NRG3: variants seen among roughly 807,000 people sequenced by gnomAD.
NRG3 encodes pro-neuregulin-3, membrane-bound isoform.
Under a neutral mutation model 66.9 loss-of-function variants are expected in NRG3, and 31 were observed. The ratio of observed to expected loss-of-function variants is 0.46; its 90% CI spans 0.35 to 0.63. The LOEUF is 0.63. Ranked by LOEUF, NRG3 falls within the 20% of genes least tolerant of loss-of-function variation. NRG3 has a pLI of 0.00. For synonymous variants in NRG3, 393 were observed against 359.4 expected, an observed-to-expected ratio of 1.09 and a Z score of -1.06; for missense variants, 910 against 878.9, an observed-to-expected ratio of 1.04 and a Z score of -0.45.
At chr10:82,513,989 T>C (rs1032725196) in intron 2 of NRG3, among the ~76,000 whole-genome samples, 4 of 152,142 alleles carry the variant, frequency 2.6e-5, no homozygotes, top group Non-Finnish European at 5.9e-5. Context: ...CTGTCTTCTT[T>C]TGAGAAGTGT....
chr10:82,115,057 A>G (rs1441853886), intron 1 of NRG3, among the ~76,000 whole-genome samples: 2 of 152,132 alleles, frequency 1.3e-5, no homozygotes, highest in African/African-American at 4.8e-5. Context: ...TTAATAGCAA[A>G]AATGAGTCAA....
At chr10:82,575,067 A>C (rs1035721008) in intron 2 of NRG3, among the ~76,000 whole-genome samples, 22 of 151,764 alleles carry the variant, frequency 1.4e-4, no homozygotes, top group Non-Finnish European at 3.1e-4. Context: ...CAGAGTGGAT[A>C]GTGTTATCAA....
chr10:82,491,793 T>C (rs2132257591), intron 2 of NRG3, among the ~76,000 whole-genome samples: 1 of 152,320 alleles, frequency 6.6e-6, no homozygotes, highest in Non-Finnish European at 1.5e-5. Flanking sequence ...ATCTGCCCTC[T>C]GGCATGTAAA....
At chr10:82,626,641 A>G (rs1222845896) in intron 2 of NRG3, among the ~76,000 whole-genome samples, 1 of 152,164 alleles carries the variant, frequency 6.6e-6, no homozygotes, top group African/African-American at 2.4e-5. Context: ...GGATATTACA[A>G]CTAATTTTTT....
At chr10:82,492,404 G>T (rs1025159156) in intron 2 of NRG3, among the ~76,000 whole-genome samples, 7 of 152,144 alleles carry the variant, frequency 4.6e-5, no homozygotes, top group African/African-American at 1.7e-4. Context: ...TCATTTAAAT[G>T]AAAATTAAGT....
intron 2 of NRG3, among the ~76,000 whole-genome samples, chr10:82,712,186 A>T (rs1292325791): frequency 9.4e-6 from 1 of 106,070 alleles, no homozygotes; most frequent in Non-Finnish European, 1.9e-5. Context: ...ATTGGAATAG[A>T]GGAAAAATAG....
At chr10:82,033,511 A>G (rs1448609757) in intron 1 of NRG3, among the ~76,000 whole-genome samples, 1 of 152,122 alleles carries the variant, frequency 6.6e-6, no homozygotes, top group Non-Finnish European at 1.5e-5. Flanking sequence ...TTCCATATTT[A>G]TGATTTCCCT....
At chr10:81,970,114 T>C (rs1183513690) in intron 1 of NRG3, among the ~76,000 whole-genome samples, 1 of 152,194 alleles carries the variant, frequency 6.6e-6, no homozygotes, top group African/African-American at 2.4e-5. Context: ...CAAGACCCAG[T>C]TGGAAGATAC....
intron 1 of NRG3, among the ~76,000 whole-genome samples, chr10:82,161,171 G>A (rs988456667): frequency 2.0e-5 from 3 of 152,056 alleles, no homozygotes; most frequent in Admixed American, 6.6e-5. Context: ...TGTCAAATAA[G>A]CCATTGAGCC....
At position 82,842,571 on chromosome 10, in the gene NRG3, C is replaced by T. The variant is rs368429612; in HGVS notation, c.1028-22840C>T. Among the ~76,000 whole-genome samples, 23 of 152,248 alleles carry T rather than the reference C, an allele frequency of 1.5e-4. No individual in the cohort carries two copies. In the East Asian group the frequency reaches 2.7e-3, roughly 18 times the overall value. On this transcript the variant is annotated intron_variant, in intron 3 of 8. Coordinates refer to ENST00000372141, the MANE Select transcript of NRG3 (RefSeq NM_001010848.4). ...TAGATACATCATAACCCTGTCTTTG[C>T]TGTGTAGGGCTTTTCTGCTTTGTTC...
intron 3 of NRG3, among the ~76,000 whole-genome samples, chr10:82,791,543 A>G (rs930107716): frequency 4.0e-5 from 6 of 151,792 alleles, no homozygotes; most frequent in African/African-American, 1.5e-4. Flanking sequence ...AATTACCTTC[A>G]CTTCTTGGTT....
At chr10:82,864,729 G>A (rs1840535896) in intron 3 of NRG3, among the ~76,000 whole-genome samples, 1 of 152,204 alleles carries the variant, frequency 6.6e-6, no homozygotes, top group Non-Finnish European at 1.5e-5. Flanking sequence ...ACGTAGAACA[G>A]ACATGGACAC....
intron 2 of NRG3, among the ~76,000 whole-genome samples, chr10:82,684,674 T>C (rs917659838): frequency 3.9e-5 from 6 of 152,140 alleles, no homozygotes; most frequent in Non-Finnish European, 5.9e-5. Flanking sequence ...GTACAGCCTT[T>C]AAGTAATTAA....
At chr10:82,424,123 G>A (rs2089264546) in intron 2 of NRG3, among the ~76,000 whole-genome samples, 1 of 151,946 alleles carries the variant, frequency 6.6e-6, no homozygotes, top group African/African-American at 2.4e-5. Context: ...TTTTTGTATG[G>A]ACATATTTTT....
At chr10:82,268,494 C>G (rs1183556960) in intron 1 of NRG3, among the ~76,000 whole-genome samples, 1 of 152,130 alleles carries the variant, frequency 6.6e-6, no homozygotes, top group Non-Finnish European at 1.5e-5. Flanking sequence ...TTCACCTTCC[C>G]TTACAAGATA....
chr10:82,171,240 C>G (rs1333349979), intron 1 of NRG3, among the ~76,000 whole-genome samples: 11 of 151,862 alleles, frequency 7.2e-5, no homozygotes, highest in Admixed American at 7.2e-4. Flanking sequence ...ATTCTTTCTC[C>G]CCTAGTTGCC....
At chr10:82,656,212 A>G (rs997249926) in intron 2 of NRG3, among the ~76,000 whole-genome samples, 1 of 152,232 alleles carries the variant, frequency 6.6e-6, no homozygotes, top group South Asian at 2.1e-4. Context: ...AGACAAAAAA[A>G]TTGAGCAATA....
At position 82,546,067 on chromosome 10, in the gene NRG3, C is replaced by T. The variant is rs189922306; in HGVS notation, c.953+187199C>T. Among the ~76,000 whole-genome samples the T allele has an allele frequency of 1.1e-3, 171 of 152,284 alleles. 1 individual carries two copies. The highest frequency in any genetic ancestry group is 3.8e-3 in the African/African-American group (158 of 41,562). ...TACAGGCGTGAGCCACTGCGGCTGGCTTATAATGTCAACTTTTAAACTTCA... is the reference window on the plus strand; with the variant it reads ...TACAGGCGTGAGCCACTGCGGCTGGTTTATAATGTCAACTTTTAAACTTCA... On this transcript the variant is annotated intron_variant, in intron 2 of 8. Coordinates refer to ENST00000372141, the MANE Select transcript of NRG3 (RefSeq NM_001010848.4).
chr10:81,950,768 C>T (rs1017135654), intron 1 of NRG3, among the ~76,000 whole-genome samples: 4 of 151,970 alleles, frequency 2.6e-5, no homozygotes, highest in Admixed American at 2.6e-4. Flanking sequence ...CTTTGCTGTC[C>T]CCCAACACAG....
Sources: allele counts gnomAD v4.1 joint callset (sites outside exome capture counted in the v4.1 genomes callset), GRCh38; gene constraint gnomAD v4.1.1; transcripts MANE v1.5; gene names NCBI Gene and HGNC (gene_info 2026-07-23, HGNC 2026-07-21).